Variants in CLIC5 observed in about 807,000 individuals in gnomAD.
The protein encoded by CLIC5 is CLIC family member 5.
CLIC5 carries 20 observed loss-of-function variants against 24.7 expected under a neutral mutation model. The observed-to-expected ratio is 0.81, with a 90% CI of 0.57 to 1.18. The LOEUF is 1.18. Ranked by LOEUF, CLIC5 falls within the 50% of genes most tolerant of loss-of-function variation. CLIC5 has a pLI of 0.00. For missense variants in CLIC5, 341 were observed against 326.1 expected (o/e 1.05, Z -0.35); for synonymous variants, 159 against 135.6 (o/e 1.17, Z -1.20).
At position 45,941,669 on chromosome 6, in the gene CLIC5, C is replaced by T. The variant is rs2127368049; in HGVS notation, c.300-16G>A. 3 of 1,590,440 alleles carry T rather than the reference C, an allele frequency of 1.9e-6. No homozygotes were observed. Among genetic ancestry groups the T allele is most frequent in the Non-Finnish European group, 8.6e-7 (1 of 1,158,486 alleles). ...TTTGGGGTACCTGGAATGGAGGATG[C>T]AGTGTTCTGTGAATCAGTAGACTTG... On this transcript the variant is annotated splice_polypyrimidine_tract_variant and intron_variant, in intron 3 of 5. Transcript: ENST00000339561.
At chr6:46,127,082 G>C in the CLIC5 span, among the ~76,000 whole-genome samples, 1 of 152,150 alleles carries the variant, frequency 6.6e-6, no homozygotes, top group Non-Finnish European at 1.5e-5. Context: ...TGCTCTAGTT[G>C]TACTTAGTTT....
chr6:46,067,517 A>G (rs796934869), intron 1 of CLIC5, among the ~76,000 whole-genome samples: 4 of 152,186 alleles, frequency 2.6e-5, no homozygotes, highest in African/African-American at 9.6e-5. Flanking sequence ...ATGCAGAAAT[A>G]CAAAGGCAGG....
intron 1 of CLIC5, among the ~76,000 whole-genome samples, chr6:45,960,348 A>G (rs1764805700): frequency 6.6e-6 from 1 of 152,244 alleles, no homozygotes; most frequent in African/African-American, 2.4e-5. Flanking sequence ...ATTGCCTTTC[A>G]GCTCCAATGC....
chr6:46,038,360 G>T (rs573664303), intron 1 of CLIC5, among the ~76,000 whole-genome samples: 1 of 152,272 alleles, frequency 6.6e-6, no homozygotes, highest in East Asian at 1.9e-4. Context: ...ACCCAGGTGG[G>T]TCCTCATGCC....
intron 1 of CLIC5, among the ~76,000 whole-genome samples, chr6:46,053,751 T>C (rs1179830923): frequency 3.3e-5 from 5 of 152,132 alleles, no homozygotes; most frequent in African/African-American, 1.2e-4. Context: ...CTATTTTTAG[T>C]TGTTGTCGCA....
At chr6:45,920,764 G>A in intron 4 of CLIC5, 1 of 526,700 alleles carries the variant, frequency 1.9e-6, no homozygotes. Context: ...CGGGATGTAG[G>A]AGCCCCAGCA....
intron 1 of CLIC5, among the ~76,000 whole-genome samples, chr6:46,064,431 C>T (rs896845023): frequency 1.3e-5 from 2 of 152,064 alleles, no homozygotes; most frequent in Non-Finnish European, 2.9e-5. Context: ...CCATCTCATT[C>T]TAGGTGGGCA....
intron 1 of CLIC5, among the ~76,000 whole-genome samples, chr6:45,992,420 T>TA (rs911790789): frequency 1.3e-5 from 2 of 152,190 alleles, no homozygotes; most frequent in African/African-American, 4.8e-5. Flanking sequence ...CAGTTTATTT[T>TA]AAAAAAATAT....
intron 4 of CLIC5, among the ~76,000 whole-genome samples, chr6:45,926,396 C>A (rs955004483): frequency 6.6e-6 from 1 of 151,220 alleles, no homozygotes; most frequent in Non-Finnish European, 1.5e-5. Context: ...TACAGGCACC[C>A]GCCACCACAC....
chr6:45,905,222 T>C (rs1762624641), intron 5 of CLIC5, among the ~76,000 whole-genome samples: 1 of 152,244 alleles, frequency 6.6e-6, no homozygotes, highest in Non-Finnish European at 1.5e-5. Flanking sequence ...TAAAACAGTT[T>C]ATTTTCCTTT....
chr6:45,991,182 G>A (rs190829414), intron 1 of CLIC5, among the ~76,000 whole-genome samples: 78 of 152,312 alleles, frequency 5.1e-4, no homozygotes, highest in African/African-American at 1.8e-3. Context: ...TTCTGCAGAT[G>A]TTATCAAGGC....
chr6:46,002,582 T>C (rs1217952385), intron 1 of CLIC5, among the ~76,000 whole-genome samples: 1 of 152,180 alleles, frequency 6.6e-6, no homozygotes, highest in East Asian at 1.9e-4. Context: ...ACTGACCTGA[T>C]AAAGTAATCC....
At chr6:46,076,866 G>A (rs1165795458) in intron 1 of CLIC5, among the ~76,000 whole-genome samples, 2 of 152,092 alleles carry the variant, frequency 1.3e-5, no homozygotes, top group Non-Finnish European at 1.5e-5. Flanking sequence ...GGCTGGGCGC[G>A]GTGGCTCATG....
the CLIC5 span, among the ~76,000 whole-genome samples, chr6:46,091,797 TGAATAATGCCTCAATAA>T: frequency 6.6e-6 from 1 of 152,368 alleles, no homozygotes; most frequent in South Asian, 2.1e-4. Context: ...TTAGGTATTG[TGAATAATGCCTCAATAA>T]GCATGAGAGT....
At chr6:46,090,817 T>G in the CLIC5 span, among the ~76,000 whole-genome samples, 4 of 152,240 alleles carry the variant, frequency 2.6e-5, no homozygotes, top group South Asian at 2.1e-4. Flanking sequence ...AGGTTCAGCC[T>G]AAAGGTTTCT....
intron 1 of CLIC5, among the ~76,000 whole-genome samples, chr6:46,058,681 A>C (rs528668728): frequency 1.1e-4 from 16 of 152,340 alleles, no homozygotes; most frequent in Middle Eastern, 3.4e-3. Context: ...GTTCTTTGAC[A>C]GATACTGCAG....
chr6:46,076,685 G>A (rs1482257155), intron 1 of CLIC5, among the ~76,000 whole-genome samples: 3 of 152,154 alleles, frequency 2.0e-5, no homozygotes, highest in African/African-American at 4.8e-5. Context: ...GAGAATATTT[G>A]TATTCTTTTA....
chr6:46,029,105 A>G (rs145481551), intron 1 of CLIC5, among the ~76,000 whole-genome samples: 67 of 152,226 alleles, frequency 4.4e-4, no homozygotes, highest in Middle Eastern at 6.8e-3. Flanking sequence ...ACTTAGTAAT[A>G]TACATTTACG....
At chr6:45,883,711 C>T (rs1762281369) in intron 6 of CLIC5, 2 of 152,230 alleles carry the variant, frequency 1.3e-5, no homozygotes, top group Admixed American at 1.3e-4. Flanking sequence ...CCTGGCCTGT[C>T]ACACAGGTAG....
Sources: allele counts gnomAD v4.1 joint callset (sites outside exome capture counted in the v4.1 genomes callset), GRCh38; gene constraint gnomAD v4.1.1; transcripts MANE v1.5; gene names NCBI Gene and HGNC (gene_info 2026-07-23, HGNC 2026-07-21).